Variants in PLXDC2 observed in about 807,000 individuals in gnomAD.
PLXDC2 encodes the protein plexin domain containing 2.
In PLXDC2, 40 loss-of-function variants were observed where a neutral mutation model predicts 68.9. The ratio of observed to expected loss-of-function variants is 0.58; its 90% CI spans 0.45 to 0.76. The LOEUF (loss-of-function observed/expected upper bound fraction) is 0.76, where lower values mean the gene tolerates loss of function less well. Ranked by LOEUF, PLXDC2 falls within the 30% of genes least tolerant of loss-of-function variation. PLXDC2 has a pLI of 0.00. For synonymous variants in PLXDC2, 243 were observed against 234.2 expected (o/e 1.04, Z -0.34); for missense variants, 644 against 661.9 (o/e 0.97, Z 0.30).
At chr10:19,873,467 G>C (rs1837580135) in intron 1 of PLXDC2, among the ~76,000 whole-genome samples, 1 of 141,192 alleles carries the variant, frequency 7.1e-6, no homozygotes, top group Non-Finnish European at 1.5e-5. Context: ...CTGTAGTGCA[G>C]TGGCACAATC....
At position 20,217,545 on chromosome 10, in the gene PLXDC2, T is replaced by G. The variant is rs758093057; in HGVS notation, c.1242T>G (p.Thr414=). The change falls in exon 11 of 14, where the codon ACT becomes ACG. Residue 414 remains threonine (T), a synonymous_variant. Coordinates refer to ENST00000377252, the MANE Select transcript of PLXDC2 (RefSeq NM_032812.9). ...RVLTTTRRAV[T]SQFPTSLPTE... ...TAACTACCACCAGAAGAGCAGTGAC[T>G]TCTCAGTTTCCCACCAGCCTCCCTA... The G allele has an allele frequency of 1.2e-6, 2 of 1,607,010 alleles. No individual in the cohort carries two copies. The highest frequency in any genetic ancestry group is 2.7e-5 in the African/African-American group (2 of 74,166).
intron 2 of PLXDC2, among the ~76,000 whole-genome samples, chr10:20,003,854 C>T (rs1217338107): frequency 6.6e-6 from 1 of 152,182 alleles, no homozygotes; most frequent in Non-Finnish European, 1.5e-5. Context: ...CCTGACCTTT[C>T]CGGGCTGACT....
At chr10:20,012,334 TGGAGAAGGAGA>T (rs1835133230) in intron 2 of PLXDC2, among the ~76,000 whole-genome samples, 1 of 37,740 alleles carries the variant, frequency 2.6e-5, no homozygotes, top group Non-Finnish European at 4.6e-5. Flanking sequence ...TTTTTTTTTT[TGGAGAAGGAGA>T]CTTGCTGTGT....
intron 1 of PLXDC2, among the ~76,000 whole-genome samples, chr10:19,826,930 C>T (rs1292262838): frequency 6.6e-6 from 1 of 152,144 alleles, no homozygotes; most frequent in Non-Finnish European, 1.5e-5. Flanking sequence ...TAAATCACAT[C>T]ACTTGCTGTT....
chr10:20,046,790 G>C (rs1470687961), intron 2 of PLXDC2, 79 bp from the exon 3 acceptor site: 1 of 1,390,180 alleles, frequency 7.2e-7, no homozygotes, highest in East Asian at 2.3e-5. Flanking sequence ...TAATACTCTT[G>C]AGTTCAATAG....
chr10:20,060,597 C>T (rs534960105), intron 3 of PLXDC2, among the ~76,000 whole-genome samples: 8 of 152,024 alleles, frequency 5.3e-5, no homozygotes, highest in African/African-American at 1.7e-4. Context: ...AAAGGCTCAG[C>T]CCAGCTTGCT....
intron 3 of PLXDC2, among the ~76,000 whole-genome samples, chr10:20,057,729 G>A (rs955200251): frequency 2.0e-5 from 3 of 152,004 alleles, no homozygotes; most frequent in Admixed American, 2.0e-4. Flanking sequence ...GCCAAGTAAG[G>A]TTCAAGTTTA....
intron 1 of PLXDC2, among the ~76,000 whole-genome samples, chr10:19,967,226 G>A (rs753038410): frequency 6.6e-6 from 1 of 152,092 alleles, no homozygotes; most frequent in Non-Finnish European, 1.5e-5. Context: ...GACTTGTTTA[G>A]CAAAAAATAG....
chr10:20,058,946 A>G (rs1298900142), intron 3 of PLXDC2, among the ~76,000 whole-genome samples: 1 of 152,204 alleles, frequency 6.6e-6, no homozygotes, highest in Non-Finnish European at 1.5e-5. Context: ...GTTTCCTTAC[A>G]GCAATGGTTT....
chr10:20,106,873 C>G (rs1354319165), intron 4 of PLXDC2, among the ~76,000 whole-genome samples: 1 of 151,588 alleles, frequency 6.6e-6, no homozygotes, highest in Non-Finnish European at 1.5e-5. Flanking sequence ...ATACAATATA[C>G]TATTTGCTAT....
At chr10:20,245,243 G>C in intron 12 of PLXDC2, 102 bp from the exon 13 acceptor site, 1 of 1,284,104 alleles carries the variant, frequency 7.8e-7, no homozygotes, top group Non-Finnish European at 1.0e-6. Flanking sequence ...AGGAAGTAAA[G>C]ATCCAGTCGT....
At chr10:19,994,080 C>T (rs930575666) in intron 1 of PLXDC2, among the ~76,000 whole-genome samples, 6 of 152,038 alleles carry the variant, frequency 3.9e-5, no homozygotes, top group East Asian at 3.9e-4. Flanking sequence ...TGCCCACATT[C>T]TCCAAAAAGA....
At chr10:19,972,788 G>A (rs1436078332) in intron 1 of PLXDC2, among the ~76,000 whole-genome samples, 3 of 152,162 alleles carry the variant, frequency 2.0e-5, no homozygotes, top group Non-Finnish European at 2.9e-5. Context: ...TTTGAAATAA[G>A]AAGGAAGTGG....
At chr10:19,906,284 T>G (rs553028933) in intron 1 of PLXDC2, among the ~76,000 whole-genome samples, 1 of 152,268 alleles carries the variant, frequency 6.6e-6, no homozygotes, top group South Asian at 2.1e-4. Context: ...AGTGATAGTT[T>G]GTTACTCACA....
intron 4 of PLXDC2, among the ~76,000 whole-genome samples, chr10:20,105,912 C>T (rs1833485498): frequency 6.6e-6 from 1 of 152,174 alleles, no homozygotes; most frequent in Admixed American, 6.5e-5. Flanking sequence ...TTAAATTAGA[C>T]CATCAATAAA....
At chr10:20,059,236 A>G (rs1251792742) in intron 3 of PLXDC2, among the ~76,000 whole-genome samples, 1 of 152,190 alleles carries the variant, frequency 6.6e-6, no homozygotes, top group East Asian at 1.9e-4. Flanking sequence ...TGTTCTTTAT[A>G]AAATCCTGTC....
intron 1 of PLXDC2, among the ~76,000 whole-genome samples, chr10:19,978,998 T>G (rs1834503879): frequency 6.6e-6 from 1 of 152,228 alleles, no homozygotes; most frequent in Non-Finnish European, 1.5e-5. Context: ...ATATATAAAG[T>G]GTGTATGTTG....
intron 4 of PLXDC2, among the ~76,000 whole-genome samples, chr10:20,137,785 C>T (rs571412957): frequency 5.3e-5 from 8 of 152,344 alleles, no homozygotes; most frequent in East Asian, 1.9e-4. Flanking sequence ...GTGTGGAGTT[C>T]GCACGTTCTC....
chr10:20,006,916 T>C (rs183766363), intron 2 of PLXDC2, among the ~76,000 whole-genome samples: 13 of 152,348 alleles, frequency 8.5e-5, no homozygotes, highest in Non-Finnish European at 1.8e-4. Context: ...CTGTGAGACC[T>C]TTCTTCTTGT....
Sources: allele counts gnomAD v4.1 joint callset (sites outside exome capture counted in the v4.1 genomes callset), GRCh38; gene constraint gnomAD v4.1.1; transcripts MANE v1.5; gene names NCBI Gene and HGNC (gene_info 2026-07-23, HGNC 2026-07-21).